KIAA0319: variants seen among roughly 807,000 people sequenced by gnomAD.
The protein encoded by KIAA0319 is KIAA0319.
In KIAA0319, 83 loss-of-function variants were observed where a neutral mutation model predicts 108.4. That is an observed-to-expected ratio of 0.77 (90% CI 0.64 to 0.92). The LOEUF (loss-of-function observed/expected upper bound fraction) is 0.92. Among genes scored for constraint, KIAA0319 ranks in the 40% least tolerant of loss-of-function variants. KIAA0319 has a pLI of 0.00. For synonymous variants in KIAA0319, 484 were observed against 510.4 expected (o/e 0.95, Z 0.70); for missense variants, 1,195 against 1,322.4 (o/e 0.90, Z 1.49).
intron 19 of KIAA0319, 104 bp from the exon 20 acceptor site, chr6:24,551,629 G>T: frequency 2.6e-6 from 2 of 772,748 alleles, no homozygotes; most frequent in Non-Finnish European, 2.2e-6. Flanking sequence ...TTGCCTTTAT[G>T]ATGTGATAGT....
intron 3 of KIAA0319, among the ~76,000 whole-genome samples, chr6:24,590,661 C>CA (rs1364916997): frequency 3.3e-5 from 5 of 152,088 alleles, no homozygotes; most frequent in South Asian, 4.1e-4. Context: ...TGAAGGTAGA[C>CA]AGTGGTCAGA....
At chr6:24,633,257 G>A (rs1775803150) in intron 1 of KIAA0319, among the ~76,000 whole-genome samples, 1 of 152,142 alleles carries the variant, frequency 6.6e-6, no homozygotes, top group South Asian at 2.1e-4. Context: ...CACTAATCAG[G>A]GAGATCCCAT....
chr6:24,596,110 C>G lies in KIAA0319; in HGVS notation c.564G>C (p.Leu188=). 1 of 1,614,134 alleles carries G rather than the reference C, an allele frequency of 6.2e-7. No homozygotes were observed. The highest frequency in any genetic ancestry group is 8.5e-7 in the Non-Finnish European group (1 of 1,179,998). The stretch of plus-strand genomic sequence containing the variant: ...AGTTGAAGGCCCCCTCGCTGCCCGG[C>G]AGTAGGCCCCAGTCCGTGTACTCGG... ...GSAEYTDWGL[L]PGSEGAFNSS... is the part of the protein sequence containing the mutation. Residue 188 remains leucine, a synonymous_variant, in exon 3 of 21, where the codon CTG becomes CTC. Transcript: ENST00000378214.
At position 24,587,576 on chromosome 6, in the gene KIAA0319, G is replaced by T. The variant is rs1399801786; in HGVS notation, c.994+1017C>A. On this transcript the variant is annotated intron_variant, in intron 4 of 20. Coordinates refer to ENST00000378214, the MANE Select transcript of KIAA0319 (RefSeq NM_014809.4). ...ATTACAGGCGTGAGCCACCGTGCCT[G>T]GTCCCTTTTTATTCATTTTTTACTT... 2.1e-5 allele frequency among the ~76,000 whole-genome samples: 3 copies of T among 145,762 alleles called. No individual in the cohort carries two copies. The East Asian group carries it at 6.3e-4, about 31-fold the overall frequency.
chr6:24,605,081 T>C (rs1554168314), intron 1 of KIAA0319, among the ~76,000 whole-genome samples: 1 of 152,236 alleles, frequency 6.6e-6, no homozygotes, highest in Non-Finnish European at 1.5e-5. Flanking sequence ...CCTCAGGTGA[T>C]CCACCCGCCT....
At chr6:24,584,326 T>C (rs1438610172) in intron 4 of KIAA0319, among the ~76,000 whole-genome samples, 3 of 151,892 alleles carry the variant, frequency 2.0e-5, no homozygotes, top group East Asian at 3.9e-4. Context: ...CCAGATTACA[T>C]TGATATATTC....
chr6:24,579,457 T>C (rs986105660), intron 8 of KIAA0319, among the ~76,000 whole-genome samples: 1 of 145,848 alleles, frequency 6.9e-6, no homozygotes, highest in Non-Finnish European at 1.5e-5. Flanking sequence ...ATATATCTTA[T>C]ATATCTCATA....
chr6:24,594,180 C>T, intron 3 of KIAA0319, among the ~76,000 whole-genome samples: 1 of 109,304 alleles, frequency 9.1e-6, no homozygotes, highest in Non-Finnish European at 1.7e-5. Flanking sequence ...GCCTGGGTGA[C>T]AGAGTGAGAC....
chr6:24,568,978 G>T, intron 12 of KIAA0319, 49 bp from the exon 13 acceptor site: 1 of 1,570,864 alleles, frequency 6.4e-7, no homozygotes, highest in Non-Finnish European at 8.7e-7. Flanking sequence ...ATGGGGTTTT[G>T]AATATGACAG....
intron 8 of KIAA0319, among the ~76,000 whole-genome samples, chr6:24,579,314 T>C (rs1056651076): frequency 3.3e-5 from 5 of 151,424 alleles, no homozygotes; most frequent in African/African-American, 1.2e-4. Context: ...GCTCCCTCAC[T>C]GAAGACATCC....
At chr6:24,582,222 A>T in intron 6 of KIAA0319, 27 bp downstream of exon 6, 1 of 1,269,050 alleles carries the variant, frequency 7.9e-7, no homozygotes, top group Non-Finnish European at 1.2e-6. Flanking sequence ...CTGTGCTGTT[A>T]GACACAACCA....
At chr6:24,611,541 A>G (rs1185213435) in intron 1 of KIAA0319, among the ~76,000 whole-genome samples, 1 of 152,198 alleles carries the variant, frequency 6.6e-6, no homozygotes, top group Non-Finnish European at 1.5e-5. Context: ...ATCCACTAAT[A>G]AAATATATGG....
chr6:24,588,740 T>A lies in KIAA0319; in HGVS notation c.847A>T (p.Ser283Cys), dbSNP rs749197241. The A allele has an allele frequency of 9.3e-6, 15 of 1,613,784 alleles. No homozygotes were observed. The African/African-American group carries it at 2.0e-4, about 22-fold the overall frequency. ...GGGCTTTTCTCCACGGTGACTGAGC[T>A]GAGCTCCAGGCTTGCCGGAGGAAGA... Reference protein sequence around the residue: ...HSLPPASLELSSVTVEKSPVL... With the variant: ...HSLPPASLELCSVTVEKSPVL... The change falls in exon 4 of 21, where the codon AGC (serine) becomes TGC (cysteine). Residue 283 changes from serine to cysteine, a missense_variant. Ser to Cys is a moderately radical substitution (Grantham distance 112). Coordinates refer to ENST00000378214, the MANE Select transcript of KIAA0319 (RefSeq NM_014809.4).
intron 1 of KIAA0319, among the ~76,000 whole-genome samples, chr6:24,612,236 G>C (rs1772438529): frequency 6.6e-6 from 1 of 152,124 alleles, no homozygotes; most frequent in Non-Finnish European, 1.5e-5. Context: ...AGGATCACTT[G>C]AGTCCAGGAG....
At chr6:24,616,719 T>A (rs1028740075) in intron 1 of KIAA0319, among the ~76,000 whole-genome samples, 1 of 152,204 alleles carries the variant, frequency 6.6e-6, no homozygotes. Flanking sequence ...AAAACAACTT[T>A]TATTTTCTAC....
At chr6:24,582,659 TAA>T (rs3840134) in intron 5 of KIAA0319, among the ~76,000 whole-genome samples, 1 of 144,076 alleles carries the variant, frequency 6.9e-6, no homozygotes, top group Non-Finnish European at 1.5e-5. Flanking sequence ...TGTATAAAGT[TAA>T]AAAAAAAAAA....
At chr6:24,556,086 A>C (rs1762246769) in intron 18 of KIAA0319, among the ~76,000 whole-genome samples, 1 of 152,166 alleles carries the variant, frequency 6.6e-6, no homozygotes. Flanking sequence ...TGAGAAAAGC[A>C]CTGAATGTTT....
At chr6:24,554,712 T>TAGTTG in intron 18 of KIAA0319, 81 bp from the exon 19 acceptor site, 4 of 1,014,340 alleles carry the variant, frequency 3.9e-6, no homozygotes, top group Non-Finnish European at 6.1e-6. Flanking sequence ...ATAACAACTA[T>TAGTTG]TTCTGAATCC....
intron 3 of KIAA0319, among the ~76,000 whole-genome samples, chr6:24,591,448 A>G (rs1403174024): frequency 6.6e-6 from 1 of 152,074 alleles, no homozygotes; most frequent in Admixed American, 6.6e-5. Context: ...TCTCTACAAA[A>G]ATAAAAATAA....
Sources: allele counts gnomAD v4.1 joint callset (sites outside exome capture counted in the v4.1 genomes callset), GRCh38; gene constraint gnomAD v4.1.1; transcripts MANE v1.5; gene names NCBI Gene and HGNC (gene_info 2026-07-23, HGNC 2026-07-21).